Variants in SEC24B observed in about 807,000 individuals in gnomAD.
The protein encoded by SEC24B is SEC24 homolog B, COPII component.
A neutral mutation model predicts 142.8 loss-of-function variants in SEC24B; 45 were observed. The ratio of observed to expected loss-of-function variants is 0.32; its 90% CI spans 0.25 to 0.40. The LOEUF is 0.40. SEC24B is among the 10% of genes least tolerant of loss of function. The pLI is 1.00. For missense variants in SEC24B, 1,409 were observed against 1,526.8 expected (o/e 0.92, Z 1.29); for synonymous variants, 574 against 568.2 (o/e 1.01, Z -0.15).
At chr4:109,441,727 C>A (rs1728946961) in intron 1 of SEC24B, among the ~76,000 whole-genome samples, 1 of 152,150 alleles carries the variant, frequency 6.6e-6, no homozygotes. Flanking sequence ...TGTCTTTTGG[C>A]CCCTCACTCA....
At chr4:109,452,173 G>A (rs576632780) in intron 1 of SEC24B, among the ~76,000 whole-genome samples, 3 of 152,120 alleles carry the variant, frequency 2.0e-5, no homozygotes, top group South Asian at 2.1e-4. Context: ...TCATGTAAAC[G>A]GAACCATATA....
chr4:109,483,003 C>CACACACACACACACACACATAT (rs1408633373), intron 4 of SEC24B, among the ~76,000 whole-genome samples: 1 of 84,110 alleles, frequency 1.2e-5, no homozygotes, highest in African/African-American at 8.2e-5. Context: ...CACACACACA[C>CACACACACACACACACACATAT]ATATTATACA....
chr4:109,480,670 A>G (rs976039371), intron 3 of SEC24B, among the ~76,000 whole-genome samples: 2 of 151,964 alleles, frequency 1.3e-5, no homozygotes, highest in Non-Finnish European at 2.9e-5. Context: ...TAGTAGAGAC[A>G]GGGTTTCACC....
intron 10 of SEC24B, among the ~76,000 whole-genome samples, chr4:109,515,877 C>G (rs1722803418): frequency 6.7e-6 from 1 of 149,750 alleles, no homozygotes. Context: ...CCCCCCACCC[C>G]CATCTCTACC....
chr4:109,482,075 A>G (rs1733798560), intron 4 of SEC24B, among the ~76,000 whole-genome samples: 1 of 152,220 alleles, frequency 6.6e-6, no homozygotes, highest in South Asian at 2.1e-4. Flanking sequence ...CAAAATAATG[A>G]GTACTGACTG....
chr4:109,532,515 T>G, intron 20 of SEC24B, 124 bp from the exon 21 acceptor site: 1 of 690,636 alleles, frequency 1.4e-6, no homozygotes, highest in East Asian at 2.5e-5. Flanking sequence ...ATCAGTATTT[T>G]TTATATCATG....
At chr4:109,459,983 G>T (rs1731093687) in intron 1 of SEC24B, among the ~76,000 whole-genome samples, 1 of 152,110 alleles carries the variant, frequency 6.6e-6, no homozygotes, top group Non-Finnish European at 1.5e-5. Context: ...GATCCTAACA[G>T]ACTTTATTTC....
chr4:109,453,797 T>TTC (rs1459587644), intron 1 of SEC24B, among the ~76,000 whole-genome samples: 19 of 152,086 alleles, frequency 1.2e-4, no homozygotes, highest in Admixed American at 5.2e-4. Flanking sequence ...GATAAATGTC[T>TTC]ATGAGATCTT....
intron 1 of SEC24B, among the ~76,000 whole-genome samples, chr4:109,439,474 A>ATTTTTTTTTTTTTTTTTTTTTTTTTTTT (rs70949077): frequency 4.5e-5 from 2 of 43,996 alleles, no homozygotes; most frequent in Non-Finnish European, 8.0e-5. Context: ...TCCTAAGCTG[A>ATTTTTTTTTTTTTTTTTTTTTTTTTTTT]TTTTTTTTTT....
At chr4:109,533,804 G>C (rs1725192638) in intron 22 of SEC24B, 119 bp downstream of exon 22, 1 of 707,560 alleles carries the variant, frequency 1.4e-6, no homozygotes, top group Admixed American at 2.7e-5. Flanking sequence ...GTATTACACA[G>C]TGTTTTACAG....
intron 21 of SEC24B, 136 bp downstream of exon 21, chr4:109,532,879 G>T: frequency 1.8e-6 from 1 of 563,030 alleles, no homozygotes. Context: ...TTGGTAACTA[G>T]CACTGGAGGT....
intron 23 of SEC24B, 38 bp from the exon 24 acceptor site, chr4:109,539,523 T>TAA: frequency 7.7e-7 from 1 of 1,305,896 alleles, no homozygotes. Context: ...TCAGGGCTTT[T>TAA]AAATACGTTT....
rs1277172705 is a variant in SEC24B at position 109,433,993 on chromosome 4, C to A, written c.124C>A (p.Gln42Lys). 2 of 1,183,736 alleles carry A rather than the reference C, an allele frequency of 1.7e-6. No homozygotes were observed. Among genetic ancestry groups the A allele is most frequent in the East Asian group, 7.5e-5 (2 of 26,764 alleles). The allele number at this position is 1,183,736 out of a possible 1,614,324, so 73.3% of individuals were successfully genotyped here. ...AGPGAGPAPH[Q>K]QNGPAQNQMQ... ...CCCGGGTGCGGGCCCGGCGCCGCAC[C>A]AGCAGAACGGTGAGGCGGGCGGCCC... is the stretch of plus-strand genomic sequence containing the variant. Residue 42 changes from glutamine (Q) to lysine (K), a missense_variant, in exon 1 of 24, where the codon CAG becomes AAG. Gln to Lys is a moderately conservative substitution (Grantham distance 53). This residue lies in a region of SEC24B where 709 missense variants were observed against 673.5 expected (regional missense o/e 1.05). Coordinates refer to ENST00000265175, the MANE Select transcript of SEC24B (RefSeq NM_006323.5).
At chr4:109,468,044 A>G (rs749547995) in intron 2 of SEC24B, among the ~76,000 whole-genome samples, 3 of 152,234 alleles carry the variant, frequency 2.0e-5, no homozygotes, top group Non-Finnish European at 4.4e-5. Flanking sequence ...TCTGGTTGGT[A>G]ATGTGCCTGA....
intron 1 of SEC24B, among the ~76,000 whole-genome samples, chr4:109,443,622 T>C (rs1729134416): frequency 6.6e-6 from 1 of 152,194 alleles, no homozygotes; most frequent in African/African-American, 2.4e-5. Context: ...ACTCTGGGCA[T>C]ACAAATGTGA....
chr4:109,481,473 A>C (rs1174577037), intron 3 of SEC24B, among the ~76,000 whole-genome samples: 1 of 152,252 alleles, frequency 6.6e-6, no homozygotes, highest in African/African-American at 2.4e-5. Flanking sequence ...AAGCCAGTCC[A>C]TATTAAAGCT....
intron 2 of SEC24B, among the ~76,000 whole-genome samples, chr4:109,468,979 A>G (rs1203595066): frequency 1.3e-5 from 2 of 152,222 alleles, no homozygotes; most frequent in Non-Finnish European, 2.9e-5. Flanking sequence ...CTAAGTAACT[A>G]ACAGGGAACT....
At chr4:109,519,640 A>G (rs974236405) in intron 11 of SEC24B, among the ~76,000 whole-genome samples, 2 of 152,216 alleles carry the variant, frequency 1.3e-5, no homozygotes, top group Non-Finnish European at 1.5e-5. Context: ...AACATCATAA[A>G]TATTCACCAT....
chr4:109,532,788 C>G (rs376252432), intron 21 of SEC24B, 45 bp downstream of exon 21: 77 of 981,268 alleles, frequency 7.8e-5, no homozygotes, highest in Non-Finnish European at 1.2e-4. Flanking sequence ...TTGAGCTGAC[C>G]AAAAACAAAG....
Sources: gnomAD v4.1 joint callset for allele counts (sites outside exome capture counted in the v4.1 genomes callset) on GRCh38, gnomAD v4.1.1 for gene constraint, gnomAD v4.1.1 regional missense constraint, MANE v1.5 for transcripts, NCBI Gene and HGNC (gene_info 2026-07-23, HGNC 2026-07-21) for gene names.